The following POC1B variants were observed in gnomAD, a reference collection of about 807,000 sequenced individuals.
The protein encoded by POC1B is POC1 centriolar protein homolog B.
Under a neutral mutation model 60.6 loss-of-function variants are expected in POC1B, and 44 were observed. That is an observed-to-expected ratio of 0.73 (90% confidence interval 0.57 to 0.93). The LOEUF (loss-of-function observed/expected upper bound fraction) is 0.93. Among genes scored for constraint, POC1B ranks in the 40% least tolerant of loss-of-function variants. The pLI is 0.00. For missense variants in POC1B, 555 were observed against 572.3 expected, an observed-to-expected ratio of 0.97 and a Z score of 0.31; for synonymous variants, 180 against 198.9, an observed-to-expected ratio of 0.90 and a Z score of 0.80.
the POC1B span, among the ~76,000 whole-genome samples, chr12:89,409,877 C>G: frequency 6.6e-6 from 1 of 152,124 alleles, no homozygotes; most frequent in East Asian, 1.9e-4. Context: ...ACCTGAGGTA[C>G]AAAGAGGATC....
chr12:89,490,575 C>A (rs996950350), intron 4 of POC1B, among the ~76,000 whole-genome samples: 1 of 152,154 alleles, frequency 6.6e-6, no homozygotes, highest in Admixed American at 6.5e-5. Context: ...AAACTCCTGA[C>A]CTCAAGTGAT....
intron 10 of POC1B, among the ~76,000 whole-genome samples, chr12:89,432,745 A>C (rs1881091532): frequency 2.0e-5 from 3 of 152,228 alleles, no homozygotes; most frequent in Admixed American, 6.5e-5. Context: ...TGAGAGGCCT[A>C]TCAGACTTTC....
chr12:89,501,685 T>C, intron 2 of POC1B: 1 of 996,642 alleles, frequency 1.0e-6, no homozygotes, highest in Non-Finnish European at 1.6e-6. Context: ...CAGGCATCCG[T>C]CTAATTGGTG....
In POC1B at chr12:89,500,981, C is replaced by T. The variant is rs566723709; in HGVS notation, c.101-3639G>A. On this transcript the variant is annotated intron_variant, in intron 2 of 11. Coordinates refer to ENST00000313546, the MANE Select transcript of POC1B (RefSeq NM_172240.3). The stretch of plus-strand genomic sequence containing the variant: ...TTGTTCCACCTCATTCGTGTCCTCC[C>T]GATGATATGAAGTTGATAGAGGATG... 6 of 908,798 alleles carry T rather than the reference C, an allele frequency of 6.6e-6. No individual in the cohort carries two copies. The East Asian group carries it at 7.6e-5, about 11-fold the overall frequency. The allele number at this position is 908,798 out of a possible 1,614,324, so 56.3% of individuals were successfully genotyped here.
the POC1B span, among the ~76,000 whole-genome samples, chr12:89,413,894 A>G: frequency 6.6e-6 from 1 of 151,396 alleles, no homozygotes; most frequent in Non-Finnish European, 1.5e-5. Context: ...TTATTTATTT[A>G]TTTATTTTTT....
intron 2 of POC1B, among the ~76,000 whole-genome samples, chr12:89,498,655 A>T (rs1869381919): frequency 6.6e-6 from 1 of 152,170 alleles, no homozygotes; most frequent in Non-Finnish European, 1.5e-5. Flanking sequence ...CCCCCTTTTT[A>T]AAAAAATACA....
intron 2 of POC1B, among the ~76,000 whole-genome samples, chr12:89,509,673 CA>C (rs1870081265): frequency 6.6e-6 from 1 of 152,220 alleles, no homozygotes; most frequent in Non-Finnish European, 1.5e-5. Flanking sequence ...TCTAACACCA[CA>C]GAATACATTC....
intron 2 of POC1B, among the ~76,000 whole-genome samples, chr12:89,518,895 G>C (rs1054897258): frequency 6.6e-6 from 1 of 152,150 alleles, no homozygotes; most frequent in Non-Finnish European, 1.5e-5. Flanking sequence ...GCTAAATGCA[G>C]CTATAAGACC....
intron 2 of POC1B, chr12:89,520,318 A>G (rs1870741406): frequency 6.6e-6 from 1 of 152,204 alleles, no homozygotes; most frequent in Non-Finnish European, 1.5e-5. Context: ...AAATAATGTA[A>G]TAAGTACTTT....
chr12:89,446,894 G>A (rs531845606), intron 10 of POC1B, among the ~76,000 whole-genome samples: 27 of 152,204 alleles, frequency 1.8e-4, no homozygotes, highest in African/African-American at 5.3e-4. Context: ...CACTGTTGCC[G>A]GGAGAAGTGC....
chr12:89,471,320 T>C (rs1369974938), intron 6 of POC1B, among the ~76,000 whole-genome samples: 2 of 152,218 alleles, frequency 1.3e-5, no homozygotes, highest in African/African-American at 4.8e-5. Flanking sequence ...AATTCAGTCA[T>C]TTCTATCCTG....
At chr12:89,523,857 C>T (rs1317379619) in intron 2 of POC1B, 1 of 1,556,126 alleles carries the variant, frequency 6.4e-7, no homozygotes, top group Admixed American at 2.0e-5. Context: ...CGGAATTACA[C>T]TCACAGTGAC....
chr12:89,502,154 GTGGA>G, intron 2 of POC1B: 1 of 1,189,066 alleles, frequency 8.4e-7, no homozygotes, highest in South Asian at 1.2e-5. Flanking sequence ...TTAGAGGAAA[GTGGA>G]CCTTCCAGGC....
intron 10 of POC1B, among the ~76,000 whole-genome samples, chr12:89,435,175 C>T (rs1318755020): frequency 7.5e-6 from 1 of 133,746 alleles, no homozygotes; most frequent in Non-Finnish European, 1.6e-5. Context: ...GGAAGAATGA[C>T]ATTCTTTTTT....
At position 89,471,673 on chromosome 12, in the gene POC1B, G is replaced by A; in HGVS notation, c.617C>T (p.Ser206Phe). ...ATCCCAGACTTTCACAGTTTGATCA[G>A]AACCTGCTGAAGCTATGCATGTACC... ...PSGTCIASAG[S>F]DQTVKVWDVR... Residue 206 changes from serine to phenylalanine, a missense_variant, in exon 6 of 12, where the codon TCT becomes TTT. Physicochemically the swap from Ser to Phe is radical, Grantham distance 155. Transcript: ENST00000313546. 6.2e-7 allele frequency: 1 copy of A among 1,611,058 alleles called. No individual in the cohort carries two copies. The highest frequency in any genetic ancestry group is 2.2e-5 in the East Asian group (1 of 44,558).
At chr12:89,407,548 T>C in the POC1B span, among the ~76,000 whole-genome samples, 939 of 152,264 alleles carry the variant, frequency 6.2e-3, 2 homozygotes, top group Non-Finnish European at 0.01. Flanking sequence ...ATTCACTTGA[T>C]ATTGATATTT....
intron 10 of POC1B, among the ~76,000 whole-genome samples, chr12:89,447,335 C>T (rs1408882561): frequency 4.6e-5 from 7 of 152,064 alleles, no homozygotes; most frequent in Admixed American, 1.3e-4. Context: ...ATATAATTCA[C>T]GGAACATTGA....
intron 4 of POC1B, among the ~76,000 whole-genome samples, chr12:89,475,697 T>A (rs1371851215): frequency 1.3e-5 from 2 of 152,176 alleles, no homozygotes; most frequent in African/African-American, 4.8e-5. Context: ...AAGACATTAA[T>A]AGATTTCTGA....
the POC1B span, among the ~76,000 whole-genome samples, chr12:89,407,754 AT>A: frequency 6.6e-6 from 1 of 152,212 alleles, no homozygotes; most frequent in African/African-American, 2.4e-5. Context: ...AATTGTTACA[AT>A]GAGGCTAAAA....
Sources: allele counts gnomAD v4.1 joint callset (sites outside exome capture counted in the v4.1 genomes callset), GRCh38; gene constraint gnomAD v4.1.1; transcripts MANE v1.5; gene names NCBI Gene and HGNC (gene_info 2026-07-23, HGNC 2026-07-21).